Variants in NAV1 observed in about 807,000 individuals in gnomAD.
NAV1 encodes pore membrane and/or filament interacting like protein 3.
In NAV1, 18 loss-of-function variants were observed where a neutral mutation model predicts 175.2. The observed-to-expected ratio is 0.10, with a 90% CI of 0.07 to 0.15. The LOEUF (loss-of-function observed/expected upper bound fraction) is 0.15, where lower values mean the gene tolerates loss of function less well. NAV1 is among the 10% of genes least tolerant of loss of function. NAV1 has a pLI of 1.00. For missense variants in NAV1, 1,731 were observed against 2,436.6 expected (o/e 0.71, Z 6.10); for synonymous variants, 897 against 978.7 (o/e 0.92, Z 1.56).
At position 201,548,593 on chromosome 1, in the gene NAV1, A is replaced by G. The variant is rs542362942; in HGVS notation, c.-144+9251A>G. 5.9e-5 allele frequency among the ~76,000 whole-genome samples: 9 copies of G among 152,292 alleles called. No homozygotes were observed. The East Asian group carries it at 1.7e-3, about 29-fold the overall frequency. On this transcript the variant is annotated intron_variant, in intron 1 of 33. Coordinates refer to the NAV1 transcript ENST00000685211. ...AATAAAAATAAATAAATAAGTGAAT[A>G]AAGGTGTTATTGACTGAAGAAGAGA...
chr1:201,627,555 G>A (rs1668369827), intron 1 of NAV1, among the ~76,000 whole-genome samples: 1 of 130,350 alleles, frequency 7.7e-6, no homozygotes, highest in African/African-American at 3.0e-5. Flanking sequence ...TGGGATTATA[G>A]AAATGAGCCA....
At chr1:201,754,846 G>A (rs778742842) in intron 3 of NAV1, among the ~76,000 whole-genome samples, 19 of 152,038 alleles carry the variant, frequency 1.2e-4, no homozygotes, top group Non-Finnish European at 2.6e-4. Context: ...GAAATAATGC[G>A]TTTCATTCAA....
intron 1 of NAV1, among the ~76,000 whole-genome samples, chr1:201,540,952 G>GGTCT (rs1482478429): frequency 6.6e-6 from 1 of 152,194 alleles, no homozygotes; most frequent in Non-Finnish European, 1.5e-5. Context: ...CAGCCCCTAG[G>GGTCT]GTCTATTTCC....
chr1:201,629,741 A>C (rs1381291826), intron 2 of NAV1, among the ~76,000 whole-genome samples: 1 of 152,184 alleles, frequency 6.6e-6, no homozygotes, highest in Non-Finnish European at 1.5e-5. Flanking sequence ...TGCCCAGGCT[A>C]TGGGAGTCAC....
exon 30 of NAV1, chr1:201,821,698 T>C (rs1032524): frequency 0.44 from 66,495 of 151,966 alleles, 15,859 homozygotes; most frequent in Non-Finnish European, 0.54. Flanking sequence ...TGATTAGATG[T>C]ACAATACATT....
intron 1 of NAV1, among the ~76,000 whole-genome samples, chr1:201,586,125 C>CAGAGGA (rs1667020041): frequency 2.0e-5 from 3 of 152,106 alleles, no homozygotes; most frequent in African/African-American, 7.2e-5. Context: ...AAATATTATT[C>CAGAGGA]AGCCTTACAG....
intron 2 of NAV1, among the ~76,000 whole-genome samples, chr1:201,614,734 T>C (rs909351099): frequency 6.6e-6 from 1 of 152,194 alleles, no homozygotes; most frequent in Non-Finnish European, 1.5e-5. Flanking sequence ...GGCCTGGATT[T>C]AGGCTGTGAA....
chr1:201,601,588 T>C (rs1403456592), intron 2 of NAV1, among the ~76,000 whole-genome samples: 1 of 152,056 alleles, frequency 6.6e-6, no homozygotes, highest in Non-Finnish European at 1.5e-5. Context: ...TTAGGGCCCT[T>C]ATAAAAGAGA....
intron 2 of NAV1, among the ~76,000 whole-genome samples, chr1:201,605,957 G>T (rs1005165966): frequency 2.6e-5 from 4 of 152,208 alleles, no homozygotes; most frequent in African/African-American, 4.8e-5. Flanking sequence ...GAGGGAGACT[G>T]CAGGGAAAAA....
intron 3 of NAV1, among the ~76,000 whole-genome samples, chr1:201,727,801 C>T (rs1672672561): frequency 6.6e-6 from 1 of 152,196 alleles, no homozygotes; most frequent in African/African-American, 2.4e-5. Context: ...AGTGTTGCCC[C>T]ACCAGAAGGG....
chr1:201,636,372 G>T (rs1668619666), intron 2 of NAV1, among the ~76,000 whole-genome samples: 1 of 152,194 alleles, frequency 6.6e-6, no homozygotes, highest in Admixed American at 6.5e-5. Context: ...CTGCGGGCAG[G>T]CTTACACAGA....
At chr1:201,733,569 T>G (rs1558108089) in intron 3 of NAV1, 1 of 151,878 alleles carries the variant, frequency 6.6e-6, no homozygotes, top group Non-Finnish European at 1.5e-5. Context: ...CAGATAAACA[T>G]GCAATAGGTT....
At chr1:201,680,392 G>A (rs1267124) in intron 1 of NAV1, among the ~76,000 whole-genome samples, 147,515 of 151,922 alleles carry the variant, frequency 0.97, 71,667 homozygotes, top group East Asian at 1. Context: ...TGTAATCCCA[G>A]CTACTCGGGA....
intron 2 of NAV1, among the ~76,000 whole-genome samples, chr1:201,640,493 C>T (rs564276824): frequency 4.1e-4 from 62 of 152,318 alleles, no homozygotes; most frequent in Admixed American, 8.5e-4. Context: ...GATACCTTGC[C>T]CACTTTTCCC....
chr1:201,658,424 G>A lies in NAV1; in HGVS notation c.757+8999G>A, dbSNP rs550011079. 4.9e-4 allele frequency among the ~76,000 whole-genome samples: 75 copies of A among 152,282 alleles called. 1 individual carries two copies. The highest frequency in any genetic ancestry group is 1.7e-3 in the African/African-American group (70 of 41,564). ...GGTGGGGAGGGGACATGCTACAGAA[G>A]TGATGTGAGTTTTGATAGAAGGGTG... On this transcript the variant is annotated intron_variant, in intron 1 of 29. Coordinates refer to ENST00000367296, the Ensembl canonical transcript of NAV1.
chr1:201,581,554 C>T (rs886282876), intron 1 of NAV1, among the ~76,000 whole-genome samples: 1 of 152,084 alleles, frequency 6.6e-6, no homozygotes, highest in African/African-American at 2.4e-5. Context: ...TCCGGCCGGG[C>T]GCGGTGGCTC....
chr1:201,657,349 CT>C (rs1272899039), intron 1 of NAV1, among the ~76,000 whole-genome samples: 1 of 152,232 alleles, frequency 6.6e-6, no homozygotes, highest in Non-Finnish European at 1.5e-5. Flanking sequence ...ATTCTGTCTT[CT>C]GAGAATTTCT....
At chr1:201,640,055 T>C (rs934097289) in intron 2 of NAV1, among the ~76,000 whole-genome samples, 3 of 151,708 alleles carry the variant, frequency 2.0e-5, no homozygotes, top group South Asian at 4.2e-4. Context: ...CCCGAGACGG[T>C]TGAGCTAGAG....
chr1:201,734,898 G>A (rs1202425094), intron 3 of NAV1, among the ~76,000 whole-genome samples: 11 of 152,140 alleles, frequency 7.2e-5, no homozygotes, highest in South Asian at 4.1e-4. Context: ...TTACTGAGAC[G>A]GTAGCTCACT....
Sources: allele counts gnomAD v4.1 joint callset (sites outside exome capture counted in the v4.1 genomes callset), GRCh38; gene constraint gnomAD v4.1.1; transcripts MANE v1.5; gene names NCBI Gene and HGNC (gene_info 2026-07-23, HGNC 2026-07-21).